The following TENT2 variants were observed in gnomAD, a reference collection of about 807,000 sequenced individuals.
TENT2 encodes poly(A) RNA polymerase GLD2.
Under a neutral mutation model 72.2 loss-of-function variants are expected in TENT2, and 44 were observed. The ratio of observed to expected loss-of-function variants is 0.61; its 90% CI spans 0.48 to 0.78. TENT2 has a LOEUF of 0.78. Ranked by LOEUF, TENT2 falls within the 30% of genes least tolerant of loss-of-function variation. The probability of loss-of-function intolerance (pLI) is 0.00; values close to 1 mark genes in which losing one functional copy is unlikely to be tolerated. For missense variants in TENT2, 541 were observed against 569.6 expected (o/e 0.95, Z 0.51); for synonymous variants, 212 against 192.5 (o/e 1.10, Z -0.84).
At chr5:79,641,963 C>T (rs1395627537) in intron 6 of TENT2, among the ~76,000 whole-genome samples, 2 of 151,956 alleles carry the variant, frequency 1.3e-5, no homozygotes, top group Admixed American at 6.6e-5. Context: ...GATGCTCAAC[C>T]TGTAGTATGT....
chr5:79,637,842 G>A (rs1327444184), intron 4 of TENT2, among the ~76,000 whole-genome samples: 1 of 140,922 alleles, frequency 7.1e-6, no homozygotes, highest in East Asian at 2.1e-4. Flanking sequence ...TTGTCACCCA[G>A]GCTAGAGTGC....
At chr5:79,647,096 C>T (rs1789691589) in intron 8 of TENT2, among the ~76,000 whole-genome samples, 1 of 152,016 alleles carries the variant, frequency 6.6e-6, no homozygotes, top group African/African-American at 2.4e-5. Context: ...AGAACCATAT[C>T]TCATGAATAT....
intron 12 of TENT2, among the ~76,000 whole-genome samples, chr5:79,669,691 T>C (rs1030198402): frequency 1.3e-5 from 2 of 152,070 alleles, no homozygotes; most frequent in South Asian, 4.1e-4. Context: ...GCAGGTACAG[T>C]TACCATTGGA....
intron 12 of TENT2, among the ~76,000 whole-genome samples, chr5:79,675,460 G>A (rs1406376263): frequency 6.6e-6 from 1 of 152,182 alleles, no homozygotes; most frequent in South Asian, 2.1e-4. Context: ...AGTATGAATT[G>A]TCATATACTA....
chr5:79,641,882 A>C (rs1784787090), intron 6 of TENT2, among the ~76,000 whole-genome samples: 1 of 151,944 alleles, frequency 6.6e-6, no homozygotes, highest in Admixed American at 6.6e-5. Flanking sequence ...TGCTCCAATG[A>C]ACATTTCCTT....
At chr5:79,659,553 A>AATATATATATAT (rs1561546934) in intron 11 of TENT2, among the ~76,000 whole-genome samples, 1 of 26,858 alleles carries the variant, frequency 3.7e-5, no homozygotes, top group Non-Finnish European at 5.6e-5. Context: ...AAAAAAAAAA[A>AATATATATATAT]ATGTATATAT....
At chr5:79,650,742 A>G (rs572005553) in intron 10 of TENT2, among the ~76,000 whole-genome samples, 5 of 152,140 alleles carry the variant, frequency 3.3e-5, no homozygotes, top group East Asian at 3.9e-4. Flanking sequence ...AGGGTTGGGG[A>G]TTACAATTTT....
intron 13 of TENT2, among the ~76,000 whole-genome samples, chr5:79,681,150 A>ATTTTTTTTTTT (rs1158559796): frequency 2.0e-4 from 9 of 44,752 alleles, no homozygotes; most frequent in African/African-American, 5.2e-4. Context: ...CTTTTCTTTG[A>ATTTTTTTTTTT]TTTTTTTTTT....
intron 4 of TENT2, 75 bp from the exon 5 acceptor site, chr5:79,640,776 T>C (rs1783850509): frequency 2.5e-6 from 2 of 808,222 alleles, no homozygotes; most frequent in Non-Finnish European, 3.9e-6. Flanking sequence ...GTATAATTGA[T>C]TTATGCTTCT....
intron 4 of TENT2, among the ~76,000 whole-genome samples, chr5:79,639,879 G>T (rs1783015758): frequency 6.6e-6 from 1 of 152,194 alleles, no homozygotes; most frequent in African/African-American, 2.4e-5. Context: ...GTTGTGATAT[G>T]TAGCCCATTT....
chr5:79,635,361 T>C (rs1377433639), intron 4 of TENT2, among the ~76,000 whole-genome samples: 1 of 152,206 alleles, frequency 6.6e-6, no homozygotes, highest in African/African-American at 2.4e-5. Context: ...AAAAACTCAT[T>C]AAATCTCCAT....
At chr5:79,671,860 T>C (rs2150723019) in intron 12 of TENT2, among the ~76,000 whole-genome samples, 1 of 152,250 alleles carries the variant, frequency 6.6e-6, no homozygotes, top group East Asian at 1.9e-4. Flanking sequence ...CCCAGCACTT[T>C]GAGAGGCCAT....
At chr5:79,669,510 A>G (rs1343259441) in intron 12 of TENT2, among the ~76,000 whole-genome samples, 2 of 152,212 alleles carry the variant, frequency 1.3e-5, no homozygotes, top group Non-Finnish European at 2.9e-5. Flanking sequence ...TGAAGATGAT[A>G]TGTAAACATA....
rs546950431 is a variant in TENT2, at chr5:79,619,273, A to G, written c.-37-339A>G. Among the ~76,000 whole-genome samples, 14 of 152,328 alleles carry G rather than the reference A, an allele frequency of 9.2e-5. No homozygotes were observed. In the South Asian group the frequency reaches 2.5e-3, roughly 27 times the overall value. On this transcript the variant is annotated intron_variant, in intron 1 of 14. Coordinates refer to ENST00000453514, the MANE Select transcript of TENT2 (RefSeq NM_001114394.3). ...TTATACCTTTGTATAAATTAGTTTG[A>G]GAATAAATGTAATAATCTGTGGGAT...
intron 12 of TENT2, among the ~76,000 whole-genome samples, chr5:79,671,696 AC>A (rs1813060923): frequency 6.6e-6 from 1 of 152,160 alleles, no homozygotes; most frequent in African/African-American, 2.4e-5. Flanking sequence ...GGTGTGAGCC[AC>A]CGCGCCTAGC....
Position 79,656,996 on chromosome 5 carries a change from T to G in TENT2, c.1066T>G (p.Tyr356Asp). 6.3e-7 allele frequency: 1 copy of G among 1,592,802 alleles called. No homozygotes were observed. Among genetic ancestry groups the G allele is most frequent in the Non-Finnish European group, 8.6e-7 (1 of 1,162,178 alleles). Residue 356 changes from tyrosine (Y) to aspartate (D), a missense_variant, in exon 11 of 15, where the codon TAC (tyrosine) becomes GAC (aspartate). Coordinates refer to ENST00000453514, the MANE Select transcript of TENT2 (RefSeq NM_001114394.3). ...EPILPSLQKI[Y>D]PESFSPAIQL... ...CATCCTTCCATCCCTCCAAAAAATT[T>G]ACCCAGTAAGTGTTTCTTATAAATT... is the stretch of plus-strand genomic sequence containing the variant.
chr5:79,674,440 G>C (rs1815575339), intron 12 of TENT2, among the ~76,000 whole-genome samples: 1 of 152,138 alleles, frequency 6.6e-6, no homozygotes, highest in Non-Finnish European at 1.5e-5. Context: ...AACTTTATTA[G>C]ATTTAAAGAG....
intron 12 of TENT2, among the ~76,000 whole-genome samples, chr5:79,669,581 C>T (rs1229459649): frequency 1.3e-5 from 2 of 151,940 alleles, no homozygotes; most frequent in Non-Finnish European, 2.9e-5. Flanking sequence ...GTTCTAAGTC[C>T]AGAGAGAGTG....
At chr5:79,681,149 GA>G (rs1311805149) in intron 13 of TENT2, among the ~76,000 whole-genome samples, 4 of 76,804 alleles carry the variant, frequency 5.2e-5, no homozygotes, top group South Asian at 4.8e-4. Flanking sequence ...TCTTTTCTTT[GA>G]TTTTTTTTTT....
Sources: gnomAD v4.1 joint callset for allele counts (sites outside exome capture counted in the v4.1 genomes callset) on GRCh38, gnomAD v4.1.1 for gene constraint, MANE v1.5 for transcripts, NCBI Gene and HGNC (gene_info 2026-07-23, HGNC 2026-07-21) for gene names.